The following ZBTB20 variants were observed in gnomAD, a reference collection of about 807,000 sequenced individuals.
The protein encoded by ZBTB20 is zinc finger and BTB domain-containing protein 20.
Under a neutral mutation model 56.9 loss-of-function variants are expected in ZBTB20, and 9 were observed. That is an observed-to-expected ratio of 0.16 (90% CI 0.10 to 0.28). ZBTB20 has a LOEUF of 0.28. ZBTB20 is among the 10% of genes least tolerant of loss of function. The pLI is 1.00. For synonymous variants in ZBTB20, 417 were observed against 420.7 expected (o/e 0.99, Z 0.11); for missense variants, 655 against 1,003.0 (o/e 0.65, Z 4.69).
At chr3:114,452,888 T>C (rs1283223728) in intron 7 of ZBTB20, among the ~76,000 whole-genome samples, 4 of 152,128 alleles carry the variant, frequency 2.6e-5, no homozygotes, top group Non-Finnish European at 5.9e-5. Context: ...ATTGTTCCCC[T>C]TGTTTAGTTT....
intron 2 of ZBTB20, among the ~76,000 whole-genome samples, chr3:115,049,197 T>C (rs2081450109): frequency 6.6e-6 from 1 of 152,138 alleles, no homozygotes; most frequent in African/African-American, 2.4e-5. Flanking sequence ...CTCTCTGGTA[T>C]ATAGAGAGAG....
chr3:114,627,563 G>T (rs2058718529), intron 6 of ZBTB20, among the ~76,000 whole-genome samples: 1 of 152,110 alleles, frequency 6.6e-6, no homozygotes, highest in East Asian at 1.9e-4. Context: ...CCATGTAAAT[G>T]ACAAGGTTCA....
intron 4 of ZBTB20, among the ~76,000 whole-genome samples, chr3:114,841,455 G>A (rs1373974856): frequency 6.6e-6 from 1 of 152,140 alleles, no homozygotes. Flanking sequence ...ACAGGAGCCA[G>A]GCTGGAAGAT....
chr3:114,598,501 C>T (rs969265617), intron 6 of ZBTB20, among the ~76,000 whole-genome samples: 3 of 151,476 alleles, frequency 2.0e-5, no homozygotes, highest in African/African-American at 7.3e-5. Context: ...TACATATATA[C>T]ACATATTTAT....
At chr3:115,140,504 C>T (rs932662150) in intron 1 of ZBTB20, among the ~76,000 whole-genome samples, 2 of 151,744 alleles carry the variant, frequency 1.3e-5, no homozygotes, top group Non-Finnish European at 2.9e-5. Flanking sequence ...CTAAAGGAAG[C>T]CTGAGATTTA....
At chr3:114,730,371 A>G (rs182847303) in intron 5 of ZBTB20, among the ~76,000 whole-genome samples, 18 of 152,280 alleles carry the variant, frequency 1.2e-4, no homozygotes, top group African/African-American at 4.3e-4. Context: ...GTAGCTGTCT[A>G]TGCTTAAACA....
At chr3:114,864,329 C>T (rs2075668392) in intron 4 of ZBTB20, among the ~76,000 whole-genome samples, 2 of 151,956 alleles carry the variant, frequency 1.3e-5, no homozygotes, top group Admixed American at 1.3e-4. Context: ...TCTGCTTGAA[C>T]CTCAGTATCT....
In ZBTB20 at chr3:114,333,817, C is replaced by T. The variant is rs1363078652; in HGVS notation, c.*5188G>A. The T allele has an allele frequency of 2.0e-5, 3 of 152,198 alleles. No individual in the cohort carries two copies. The highest frequency in any genetic ancestry group is 2.0e-4 in the Admixed American group (3 of 15,288). 9.4% of individuals were successfully genotyped at this position (152,198 alleles called of 1,614,324 possible). A position where few individuals can be genotyped will look rare whatever the true frequency, so the allele number is the denominator to read the frequency against. On this transcript the variant is annotated 3_prime_UTR_variant, in exon 12 of 12. Transcript: ENST00000675478. ...GGAAAAGCCCAGAGATTTCTCTAAC[C>T]ACTTCTTGCCAAACTTCCTAGTTTT... is the stretch of plus-strand genomic sequence containing the variant.
At chr3:115,116,593 T>C (rs550026462) in intron 1 of ZBTB20, among the ~76,000 whole-genome samples, 2 of 152,152 alleles carry the variant, frequency 1.3e-5, no homozygotes, top group African/African-American at 4.8e-5. Context: ...TTTGTGAACA[T>C]ACAAAGTGCA....
chr3:114,817,146 ATC>A (rs1329096287), intron 4 of ZBTB20, among the ~76,000 whole-genome samples: 1 of 151,658 alleles, frequency 6.6e-6, no homozygotes, highest in Admixed American at 6.6e-5. Context: ...GTGTGTATAA[ATC>A]TCTCTCTATA....
chr3:114,662,776 T>C (rs1340102839), intron 6 of ZBTB20, among the ~76,000 whole-genome samples: 2 of 151,860 alleles, frequency 1.3e-5, no homozygotes, highest in Admixed American at 6.6e-5. Context: ...TGTAAATTTG[T>C]TTGAGTTCAT....
rs965690243 is a variant in ZBTB20 at position 114,315,427 on chromosome 3, A to C, written c.*23578T>G. On this transcript the variant is annotated 3_prime_UTR_variant, in exon 12 of 12. Transcript: ENST00000675478. ...TTCACTGGGAAATGGAAACTGCATA[A>C]ACAGTGACACACAGACACTGGAAAC... is the stretch of plus-strand genomic sequence containing the variant. 6.6e-6 allele frequency: 1 copy of C among 152,174 alleles called. No individual in the cohort carries two copies. The highest frequency in any genetic ancestry group is 1.5e-5 in the Non-Finnish European group (1 of 68,030). 9.4% of individuals were successfully genotyped at this position (152,174 alleles called of 1,614,324 possible). A position where few individuals can be genotyped will look rare whatever the true frequency, so the allele number is the denominator to read the frequency against.
At chr3:114,359,911 C>T (rs76043853) in intron 10 of ZBTB20, among the ~76,000 whole-genome samples, 2,296 of 152,184 alleles carry the variant, frequency 0.015, 31 homozygotes, top group South Asian at 0.067. Flanking sequence ...TAATCATATA[C>T]TTATTTTATA....
In ZBTB20 at chr3:114,544,796, C is replaced by A. The variant is rs892327532; in HGVS notation, c.-294-44405G>T. Among the ~76,000 whole-genome samples, 9 of 152,226 alleles carry A rather than the reference C, an allele frequency of 5.9e-5. No individual in the cohort carries two copies. The East Asian group carries it at 1.7e-3, about 29-fold the overall frequency. ...CTGGAATTACAGGTGTGCACCACAACAAATGGCCCCAAAACTAGGTTTTCA... is the reference window on the plus strand; with the variant it reads ...CTGGAATTACAGGTGTGCACCACAAAAAATGGCCCCAAAACTAGGTTTTCA... On this transcript the variant is annotated intron_variant, in intron 6 of 11. Coordinates refer to ENST00000675478, the MANE Select transcript of ZBTB20 (RefSeq NM_001348800.3).
intron 5 of ZBTB20, among the ~76,000 whole-genome samples, chr3:114,711,949 C>G (rs958018217): frequency 6.6e-6 from 1 of 152,172 alleles, no homozygotes; most frequent in African/African-American, 2.4e-5. Flanking sequence ...GACTGAAAAA[C>G]TCATCGTGAA....
chr3:114,471,987 T>C (rs2040183875), intron 7 of ZBTB20, among the ~76,000 whole-genome samples: 1 of 152,096 alleles, frequency 6.6e-6, no homozygotes, highest in African/African-American at 2.4e-5. Flanking sequence ...AAGGGGATGA[T>C]AGTGACACAA....
chr3:114,810,457 G>A (rs541154799), intron 4 of ZBTB20, among the ~76,000 whole-genome samples: 80 of 152,136 alleles, frequency 5.3e-4, no homozygotes, highest in Admixed American at 2.0e-3. Context: ...TCAAATTATC[G>A]AATCACCCCC....
intron 2 of ZBTB20, among the ~76,000 whole-genome samples, chr3:114,998,280 T>C (rs984802001): frequency 6.6e-6 from 1 of 151,864 alleles, no homozygotes; most frequent in Admixed American, 6.6e-5. Flanking sequence ...CACTCATTTT[T>C]TGTACGTCTT....
intron 1 of ZBTB20, among the ~76,000 whole-genome samples, chr3:115,088,625 ACATTTTTAGCTATC>A (rs2083076853): frequency 6.6e-6 from 1 of 151,918 alleles, no homozygotes; most frequent in African/African-American, 2.4e-5. Context: ...TATAAAAATT[ACATTTTTAGCTATC>A]CATACAGGAT....
Sources: allele counts gnomAD v4.1 joint callset (sites outside exome capture counted in the v4.1 genomes callset), GRCh38; gene constraint gnomAD v4.1.1; transcripts MANE v1.5; gene names NCBI Gene and HGNC (gene_info 2026-07-23, HGNC 2026-07-21).